NBEA: variants seen among roughly 807,000 people sequenced by gnomAD.
NBEA encodes the protein lysosomal-trafficking regulator 2.
NBEA carries 44 observed loss-of-function variants against 343.4 expected under a neutral mutation model. The ratio of observed to expected loss-of-function variants is 0.13; its 90% CI spans 0.10 to 0.16. The LOEUF is 0.16. Ranked by LOEUF, NBEA falls within the 10% of genes least tolerant of loss-of-function variation. The pLI, the probability that NBEA is intolerant of heterozygous loss-of-function variation, is 1.00. For missense variants in NBEA, 2,555 were observed against 3,631.3 expected, an observed-to-expected ratio of 0.70 and a Z score of 7.62; for synonymous variants, 1,175 against 1,238.7, an observed-to-expected ratio of 0.95 and a Z score of 1.08.
chr13:34,979,298 T>A (rs1868625386), intron 1 of NBEA, among the ~76,000 whole-genome samples: 1 of 152,134 alleles, frequency 6.6e-6, no homozygotes, highest in Admixed American at 6.5e-5. Flanking sequence ...GGCAGGCAGA[T>A]CATCTGAGGC....
At chr13:35,370,905 T>C (rs1214133653) in intron 38 of NBEA, among the ~76,000 whole-genome samples, 1 of 60,766 alleles carries the variant, frequency 1.6e-5, no homozygotes, top group Non-Finnish European at 4.0e-5. Flanking sequence ...TGTCCTCAGT[T>C]GGCAGTTTTT....
intron 10 of NBEA, among the ~76,000 whole-genome samples, chr13:35,081,161 G>A (rs2064373385): frequency 6.6e-6 from 1 of 152,124 alleles, no homozygotes; most frequent in Non-Finnish European, 1.5e-5. Context: ...CAATTCATGG[G>A]GGAATAGCAG....
intron 41 of NBEA, chr13:35,475,218 A>G (rs772821968): frequency 1.2e-6 from 2 of 1,613,962 alleles, no homozygotes; most frequent in Admixed American, 1.7e-5. Flanking sequence ...GGCAGGAGAT[A>G]AGTTGCAGCA....
At chr13:35,337,339 CAAAA>C (rs908881916) in intron 36 of NBEA, among the ~76,000 whole-genome samples, 2 of 151,906 alleles carry the variant, frequency 1.3e-5, no homozygotes, top group Non-Finnish European at 2.9e-5. Context: ...AAATAGAACT[CAAAA>C]GAACGGATGA....
chr13:35,251,163 G>A, intron 34 of NBEA: 1 of 244,124 alleles, frequency 4.1e-6, no homozygotes, highest in Non-Finnish European at 8.3e-6. Flanking sequence ...TGATTCTGTG[G>A]AGTGTGGGAC....
chr13:35,370,880 C>T (rs926865517), intron 38 of NBEA, among the ~76,000 whole-genome samples: 2 of 146,698 alleles, frequency 1.4e-5, no homozygotes, highest in African/African-American at 5.0e-5. Context: ...TAAAGAATAA[C>T]TTTGCTGGGT....
At chr13:35,267,411 T>TC (rs1455125354) in intron 34 of NBEA, among the ~76,000 whole-genome samples, 1 of 151,856 alleles carries the variant, frequency 6.6e-6, no homozygotes, top group East Asian at 1.9e-4. Context: ...ACAAAAATAC[T>TC]CCAAGGAGAA....
intron 1 of NBEA, among the ~76,000 whole-genome samples, chr13:34,944,433 G>A (rs2059127431): frequency 6.6e-6 from 1 of 152,212 alleles, no homozygotes; most frequent in Non-Finnish European, 1.5e-5. Context: ...TTTTGCTAGT[G>A]TGTCAGGTCA....
intron 45 of NBEA, among the ~76,000 whole-genome samples, chr13:35,582,235 C>G (rs980400243): frequency 7.9e-5 from 12 of 152,054 alleles, no homozygotes; most frequent in Admixed American, 3.3e-4. Flanking sequence ...GCAGCGAGCC[C>G]AGATCGCGCC....
chr13:34,986,329 A>G (rs1430019947), intron 1 of NBEA, among the ~76,000 whole-genome samples: 1 of 150,624 alleles, frequency 6.6e-6, no homozygotes, highest in Non-Finnish European at 1.5e-5. Flanking sequence ...TTCAGTTTCC[A>G]TGTAGTTGTG....
chr13:35,258,073 G>A (rs2032823649), intron 34 of NBEA, among the ~76,000 whole-genome samples: 2 of 150,432 alleles, frequency 1.3e-5, no homozygotes, highest in African/African-American at 4.9e-5. Context: ...ATTTTATTTT[G>A]TTTTCCTAAT....
intron 38 of NBEA, among the ~76,000 whole-genome samples, chr13:35,370,672 G>C (rs996785774): frequency 6.6e-6 from 1 of 151,918 alleles, no homozygotes; most frequent in Admixed American, 6.6e-5. Context: ...GGTAACATTT[G>C]AGTTCTTTCT....
chr13:35,199,140 A>G (rs921561209), intron 31 of NBEA, among the ~76,000 whole-genome samples: 1 of 152,126 alleles, frequency 6.6e-6, no homozygotes. Flanking sequence ...TTTCAGAGAC[A>G]TCATCCCCAC....
intron 38 of NBEA, among the ~76,000 whole-genome samples, chr13:35,355,107 A>G (rs1267533817): frequency 6.6e-6 from 1 of 152,130 alleles, no homozygotes; most frequent in African/African-American, 2.4e-5. Context: ...CACTGCCACA[A>G]AATATATCCA....
chr13:35,397,076 A>G (rs892019066), intron 38 of NBEA, among the ~76,000 whole-genome samples: 1 of 152,198 alleles, frequency 6.6e-6, no homozygotes, highest in South Asian at 2.1e-4. Context: ...AAAGTAAGAT[A>G]AAGTAAAAAT....
chr13:35,502,950 T>C (rs1326240047), intron 41 of NBEA, among the ~76,000 whole-genome samples: 1 of 152,144 alleles, frequency 6.6e-6, no homozygotes, highest in East Asian at 1.9e-4. Flanking sequence ...AATTATATCA[T>C]TTATCTTTTA....
chr13:35,142,308 T>C lies in NBEA; in HGVS notation c.2376T>C (p.Thr792=). 2 of 1,613,394 alleles carry C rather than the reference T, an allele frequency of 1.2e-6. No individual in the cohort carries two copies. Among genetic ancestry groups the C allele is most frequent in the Non-Finnish European group, 1.7e-6 (2 of 1,179,542 alleles). ...VEIMHTHSLF[T]LLGERLMLHT... ...TTATGCACACCCATAGTCTTTTCACTCTTCTTGGAGAAAGGCTGATGTTGC... is the reference window on the plus strand; with the variant it reads ...TTATGCACACCCATAGTCTTTTCACCCTTCTTGGAGAAAGGCTGATGTTGC... The change falls in exon 18 of 59, where the codon ACT becomes ACC. Residue 792 remains threonine (T), a synonymous_variant. Coordinates refer to ENST00000379939, the MANE Select transcript of NBEA (RefSeq NM_001385012.1).
intron 47 of NBEA, among the ~76,000 whole-genome samples, chr13:35,602,751 G>A (rs1484492333): frequency 1.3e-5 from 2 of 152,098 alleles, no homozygotes; most frequent in African/African-American, 4.8e-5. Context: ...GAAGGCCCTG[G>A]TAACACGACT....
chr13:34,978,544 T>C (rs994041323), intron 1 of NBEA, among the ~76,000 whole-genome samples: 1 of 152,198 alleles, frequency 6.6e-6, no homozygotes, highest in Non-Finnish European at 1.5e-5. Context: ...GACAAATGCA[T>C]GTACCTGAGT....
Sources: allele counts gnomAD v4.1 joint callset (sites outside exome capture counted in the v4.1 genomes callset), GRCh38; gene constraint gnomAD v4.1.1; transcripts MANE v1.5; gene names NCBI Gene and HGNC (gene_info 2026-07-23, HGNC 2026-07-21).